The following GRIPAP1 variants were observed in gnomAD, a reference collection of about 807,000 sequenced individuals.
GRIPAP1 encodes GRIP1-associated protein 1.
Under a neutral mutation model 84.1 loss-of-function variants are expected in GRIPAP1, and 14 were observed. The ratio of observed to expected loss-of-function variants is 0.17; its 90% confidence interval spans 0.11 to 0.26. The LOEUF is 0.26. GRIPAP1 is among the 10% of genes least tolerant of loss of function. GRIPAP1 has a pLI of 1.00. For missense variants in GRIPAP1, 518 were observed against 674.2 expected (o/e 0.77, Z 2.57); for synonymous variants, 261 against 256.8 (o/e 1.02, Z -0.15).
At chrX:48,979,053 G>C (rs1223076447) in intron 21 of GRIPAP1, among the ~76,000 whole-genome samples, 3 of 110,793 alleles carry the variant, frequency 2.7e-5, no homozygotes, top group Non-Finnish European at 5.7e-5. Flanking sequence ...ACAGGGTTCA[G>C]AGAAAGGAAG....
intron 14 of GRIPAP1, 128 bp from the exon 15 acceptor site, chrX:48,983,998 T>A: frequency 2.0e-6 from 1 of 505,730 alleles, no homozygotes; most frequent in Non-Finnish European, 3.6e-6. Context: ...AATTTCTGGA[T>A]AGGAAATATA....
Position 48,998,192 on chromosome X carries a change from G to A in GRIPAP1, c.172-12C>T. The A allele has an allele frequency of 8.5e-7, 1 of 1,176,347 alleles. No individual in the cohort carries two copies. On this transcript the variant is annotated splice_polypyrimidine_tract_variant and intron_variant, in intron 3 of 25. Coordinates refer to ENST00000376423, the MANE Select transcript of GRIPAP1 (RefSeq NM_020137.5). The stretch of plus-strand genomic sequence containing the variant: ...CTCTTGCTCAGTGCCTAAAGTGGGG[G>A]TGGGTGGGAAGAGAGCTAAAGTGAA...
At chrX:48,980,990 C>G (rs189394594) in intron 21 of GRIPAP1, among the ~76,000 whole-genome samples, 1 of 111,274 alleles carries the variant, frequency 9.0e-6, no homozygotes, top group Non-Finnish European at 1.9e-5. Flanking sequence ...GAGGCAGAGA[C>G]AGAAACAGAG....
chrX:48,997,812 A>G, intron 4 of GRIPAP1: 1 of 342,937 alleles, frequency 2.9e-6, no homozygotes, highest in Non-Finnish European at 5.1e-6. Context: ...AAGGAGTTAG[A>G]GAGAGAAAGC....
At chrX:48,986,467 C>A (rs1190589391) in intron 13 of GRIPAP1, among the ~76,000 whole-genome samples, 1 of 110,342 alleles carries the variant, frequency 9.1e-6, no homozygotes, top group Non-Finnish European at 1.9e-5. Flanking sequence ...TCTCGGCTCA[C>A]TATAACCTCC....
intron 24 of GRIPAP1, 21 bp from the exon 25 acceptor site, chrX:48,975,330 A>G: frequency 8.3e-7 from 1 of 1,198,515 alleles, no homozygotes; most frequent in East Asian, 3.0e-5. Context: ...CCAGGCTGAA[A>G]ACCACCCCCT....
intron 21 of GRIPAP1, among the ~76,000 whole-genome samples, chrX:48,978,735 A>G (rs2064436849): frequency 9.1e-6 from 1 of 109,795 alleles, no homozygotes; most frequent in Non-Finnish European, 1.9e-5. Context: ...CTCTACTAAA[A>G]ATACAAAAAT....
chrX:48,989,901 A>C lies in GRIPAP1; in HGVS notation c.723-19T>G. The C allele has an allele frequency of 3.3e-6, 4 of 1,206,783 alleles. No homozygotes were observed. The highest frequency in any genetic ancestry group is 4.5e-6 in the Non-Finnish European group (4 of 891,177). On this transcript the variant is annotated intron_variant, in intron 9 of 25. Coordinates refer to ENST00000376423, the MANE Select transcript of GRIPAP1 (RefSeq NM_020137.5). The stretch of plus-strand genomic sequence containing the variant: ...GCAAAAACTGGGCACAGAAGGACAG[A>C]TGTAGATGGGTCAGTTCCGTAAGTT...
intron 3 of GRIPAP1, among the ~76,000 whole-genome samples, chrX:48,998,491 T>G (rs1282390307): frequency 2.7e-5 from 3 of 111,240 alleles, no homozygotes; most frequent in African/African-American, 9.8e-5. Flanking sequence ...TATTTAACCA[T>G]TTATGGGCTG....
Position 48,983,084 on chromosome X carries a change from T to A in GRIPAP1, c.1494A>T (p.Thr498=). ...RGQIREEKAR[T]RELETLQQTV... ...TCTGCTGGAGAGTCTCCAGCTCCCG[T>A]GTCCGGGCCTGGGATGGGGCAGACT... is the stretch of plus-strand genomic sequence containing the variant. Residue 498 remains threonine (T), a synonymous_variant, in exon 17 of 26, where the codon ACA becomes ACT. Coordinates refer to ENST00000376423, the MANE Select transcript of GRIPAP1 (RefSeq NM_020137.5). 4 of 1,193,856 alleles carry A rather than the reference T, an allele frequency of 3.4e-6. No homozygotes were observed. The highest frequency in any genetic ancestry group is 4.6e-6 in the Non-Finnish European group (4 of 878,837).
intron 21 of GRIPAP1, among the ~76,000 whole-genome samples, chrX:48,979,294 G>A (rs1028676957): frequency 1.9e-5 from 2 of 106,872 alleles, no homozygotes; most frequent in African/African-American, 3.4e-5. Flanking sequence ...TGGCTAAAAC[G>A]GTGAAACCCC....
chrX:48,989,958 A>T lies in GRIPAP1; in HGVS notation c.722+14T>A. 1 of 1,206,406 alleles carries T rather than the reference A, an allele frequency of 8.3e-7. No individual in the cohort carries two copies. The highest frequency in any genetic ancestry group is 1.1e-6 in the Non-Finnish European group (1 of 891,030). On this transcript the variant is annotated intron_variant, in intron 9 of 25. Transcript: ENST00000376423. Reference sequence around the variant, plus strand: ...CCCCTCGGCCCCCAGTACCCTTGGGAAAAAGAAATTTACCTTTCTTGTTTC... The same window carrying T: ...CCCCTCGGCCCCCAGTACCCTTGGGTAAAAGAAATTTACCTTTCTTGTTTC...
In GRIPAP1 at chrX:48,983,002, C is replaced by T; in HGVS notation, c.1576G>A (p.Glu526Lys). 1.7e-6 allele frequency: 2 copies of T among 1,204,692 alleles called. No homozygotes were observed. The highest frequency in any genetic ancestry group is 2.3e-6 in the Non-Finnish European group (2 of 888,593). Reference sequence around the variant, plus strand: ...ACCTCGGCTTCCTTCAAGCGCCGTTCAAACCAGCCCTTGGCTCCATCCATG... The same window carrying T: ...ACCTCGGCTTCCTTCAAGCGCCGTTTAAACCAGCCCTTGGCTCCATCCATG... ...HSMDGAKGWF[E>K]RRLKEAEESL... The change falls in exon 17 of 26, where the codon GAA (glutamate) becomes AAA (lysine). Residue 526 changes from glutamate to lysine, a missense_variant. By Grantham distance (56) the Glu-to-Lys change is moderately conservative. Transcript: ENST00000376423.
In GRIPAP1 at chrX:48,981,416, C is replaced by T. The variant is rs150414349; in HGVS notation, c.1830G>A (p.Ala610=). 1.4e-4 allele frequency: 169 copies of T among 1,208,343 alleles called. No homozygotes were observed. Among genetic ancestry groups the T allele is most frequent in the Non-Finnish European group, 1.3e-4 (113 of 894,006 alleles). Residue 610 remains alanine, a splice_region_variant and synonymous_variant, in exon 20 of 26, where the codon GCG becomes GCA. Coordinates refer to ENST00000376423, the MANE Select transcript of GRIPAP1 (RefSeq NM_020137.5). ...GTGCTTGGGCACCGCTCTGTCTTAC[C>T]GCAGCACTGCCCTTCTTCTCCAGGA... ...QRILEKKGSA[A]LKDLKRQLHL... is the part of the protein sequence containing the mutation.
rs1557065170 is a variant in GRIPAP1, at chrX:48,990,620, G to A, written c.690+65C>T. ...ACAATGCCCCTTCTGCCCTAGGATT[G>A]GGAATGGAATGGGAAAGAATCCAGC... On this transcript the variant is annotated intron_variant, in intron 8 of 25. Coordinates refer to ENST00000376423, the MANE Select transcript of GRIPAP1 (RefSeq NM_020137.5). 6.3e-6 allele frequency: 6 copies of A among 948,100 alleles called. No homozygotes were observed. The African/African-American group carries it at 9.6e-5, about 15-fold the overall frequency. The allele number at this position is 948,100 out of a possible 1,213,427, so 78.1% of individuals were successfully genotyped here.
In GRIPAP1 at chrX:48,983,848, C is replaced by T. The variant is rs1199052388; in HGVS notation, c.1199G>A (p.Arg400Gln). ...QLQESLRANSRLLEQLQEIGQ... is the reference protein window; with the variant it reads ...QLQESLRANSQLLEQLQEIGQ... ...TATTTCTTGAAGTTGTTCCAGCAGTCGACTATTGGCCCGTAATGACTCCTA... is the reference window on the plus strand; with the variant it reads ...TATTTCTTGAAGTTGTTCCAGCAGTTGACTATTGGCCCGTAATGACTCCTA... Residue 400 changes from arginine (R) to glutamine (Q), a missense_variant, in exon 15 of 26, where the codon CGA becomes CAA. Arg to Gln is a conservative substitution (Grantham distance 43). Coordinates refer to ENST00000376423, the MANE Select transcript of GRIPAP1 (RefSeq NM_020137.5). 1.7e-6 allele frequency: 2 copies of T among 1,178,582 alleles called. No homozygotes were observed. The highest frequency in any genetic ancestry group is 2.3e-6 in the Non-Finnish European group (2 of 867,216).
intron 13 of GRIPAP1, among the ~76,000 whole-genome samples, 168 bp downstream of exon 13, chrX:48,987,617 G>A (rs1223670057): frequency 1.9e-5 from 2 of 106,236 alleles, no homozygotes; most frequent in Non-Finnish European, 3.9e-5. Context: ...AAAAAGTAGG[G>A]ATGGATGGCC....
chrX:48,980,224 G>C (rs1307946891), intron 21 of GRIPAP1, among the ~76,000 whole-genome samples: 3 of 49,088 alleles, frequency 6.1e-5, no homozygotes, highest in African/African-American at 1.7e-4. Flanking sequence ...AGCAACTAAA[G>C]TTGTGTGTGT....
intron 25 of GRIPAP1, 66 bp downstream of exon 25, chrX:48,975,089 G>A: frequency 1.8e-6 from 2 of 1,091,805 alleles, no homozygotes; most frequent in Non-Finnish European, 2.5e-6. Flanking sequence ...GATGACCCAG[G>A]GGCTATGTGG....
Sources: allele counts gnomAD v4.1 joint callset (sites outside exome capture counted in the v4.1 genomes callset), GRCh38; gene constraint gnomAD v4.1.1; transcripts MANE v1.5; gene names NCBI Gene and HGNC (gene_info 2026-07-23, HGNC 2026-07-21).